BNC2: variants seen among roughly 807,000 people sequenced by gnomAD.
BNC2 encodes the protein basonuclin zinc finger protein 2.
A neutral mutation model predicts 76.3 loss-of-function variants in BNC2; 20 were observed. That is an observed-to-expected ratio of 0.26 (90% CI 0.18 to 0.38). The LOEUF (loss-of-function observed/expected upper bound fraction) is 0.38, where lower values mean the gene tolerates loss of function less well. Among genes scored for constraint, BNC2 ranks in the 10% least tolerant of loss-of-function variants. The probability of loss-of-function intolerance (pLI) is 1.00; values close to 1 mark genes in which losing one functional copy is unlikely to be tolerated. For missense variants in BNC2, 1,382 were observed against 1,399.8 expected (o/e 0.99, Z 0.20); for synonymous variants, 582 against 514.8 (o/e 1.13, Z -1.77).
intron 3 of BNC2, among the ~76,000 whole-genome samples, chr9:16,693,139 A>AAG (rs1359698732): frequency 6.6e-6 from 1 of 150,910 alleles, no homozygotes; most frequent in East Asian, 1.9e-4. Context: ...AAAAAAAAAA[A>AAG]AAAAAAAAAA....
chr9:16,736,102 C>T (rs1383632785), intron 2 of BNC2, among the ~76,000 whole-genome samples: 4 of 151,252 alleles, frequency 2.6e-5, no homozygotes, highest in South Asian at 4.2e-4. Flanking sequence ...GGCATGGTGG[C>T]GCATGCCTGT....
intron 1 of BNC2, among the ~76,000 whole-genome samples, chr9:16,780,257 C>CAAACAAAA (rs1416629804): frequency 5.3e-4 from 42 of 78,656 alleles, no homozygotes; most frequent in African/African-American, 2.0e-3. Context: ...AAAAAAAAAA[C>CAAACAAAA]AAAAAAAAAC....
At chr9:16,813,084 G>A (rs981613419) in intron 1 of BNC2, among the ~76,000 whole-genome samples, 1 of 151,846 alleles carries the variant, frequency 6.6e-6, no homozygotes, top group African/African-American at 2.4e-5. Context: ...TGACGCCCCA[G>A]CTACTTGGAA....
intron 3 of BNC2, among the ~76,000 whole-genome samples, chr9:16,601,934 T>A (rs1208392277): frequency 6.6e-6 from 1 of 152,288 alleles, no homozygotes; most frequent in South Asian, 2.1e-4. Flanking sequence ...CCCTCCAATA[T>A]AATAAGTGCT....
At chr9:16,470,082 C>T (rs1821790139) in intron 5 of BNC2, among the ~76,000 whole-genome samples, 1 of 148,426 alleles carries the variant, frequency 6.7e-6, no homozygotes, top group South Asian at 2.1e-4. Context: ...ACTGCAAGCT[C>T]TGCCTCCCGG....
At chr9:16,665,124 T>G (rs1822231377) in intron 3 of BNC2, 1 of 453,860 alleles carries the variant, frequency 2.2e-6, no homozygotes, top group Non-Finnish European at 4.4e-6. Flanking sequence ...ATCCCAGCAC[T>G]TTGGAAGTCC....
chr9:16,839,900 C>A (rs543838462), intron 1 of BNC2, among the ~76,000 whole-genome samples: 1 of 152,266 alleles, frequency 6.6e-6, no homozygotes, highest in South Asian at 2.1e-4. Context: ...ACCACCACCC[C>A]ATGACAGTCA....
At chr9:16,679,999 G>T (rs1410349697) in intron 3 of BNC2, among the ~76,000 whole-genome samples, 6 of 152,148 alleles carry the variant, frequency 3.9e-5, no homozygotes, top group Non-Finnish European at 8.8e-5. Flanking sequence ...TTTCGCATAG[G>T]GGGAGTGTTA....
intron 1 of BNC2, among the ~76,000 whole-genome samples, chr9:16,853,300 G>GTCAA (rs1819171821): frequency 1.3e-5 from 2 of 150,716 alleles, no homozygotes; most frequent in Admixed American, 1.3e-4. Context: ...GGCCCAGTTA[G>GTCAA]GAGGCTAAGG....
chr9:16,662,943 T>G lies in BNC2; in HGVS notation c.330+64854A>C, dbSNP rs541193907. On this transcript the variant is annotated intron_variant, in intron 3 of 6. Transcript: ENST00000380672. ...CTGCAGTAAGTGCCTTAAACAGTAG[T>G]AGCAATAGAAAAAGGAAAGCTTATG... Among the ~76,000 whole-genome samples the G allele has an allele frequency of 2.6e-5, 4 of 152,218 alleles. No individual in the cohort carries two copies. In the South Asian group the frequency reaches 8.3e-4, roughly 32 times the overall value.
At chr9:16,826,257 G>A (rs1331298388) in intron 1 of BNC2, among the ~76,000 whole-genome samples, 2 of 128,264 alleles carry the variant, frequency 1.6e-5, no homozygotes, top group African/African-American at 6.2e-5. Flanking sequence ...CCAGAGACTT[G>A]CTGTTTCTGT....
chr9:16,495,371 T>C (rs1308363170), intron 5 of BNC2, among the ~76,000 whole-genome samples: 2 of 152,216 alleles, frequency 1.3e-5, no homozygotes, highest in East Asian at 3.8e-4. Context: ...CTCTGAGGAT[T>C]TGGGGCTCAA....
Position 16,616,216 on chromosome 9 carries a change from G to GT in BNC2, c.331-33132dup, listed in dbSNP as rs1371617248. Reference sequence around the variant, plus strand: ...AGCCTGGGCAACAAAGTAAGACACTGTCTCTACATAATAAAAAATAAATAA... The same window carrying GT: ...AGCCTGGGCAACAAAGTAAGACACTGTTCTCTACATAATAAAAAATAAATAA... On this transcript the variant is annotated intron_variant, in intron 3 of 6. Coordinates refer to ENST00000380672, the MANE Select transcript of BNC2 (RefSeq NM_017637.6). 2.0e-5 allele frequency among the ~76,000 whole-genome samples: 3 copies of GT among 151,782 alleles called. No individual in the cohort carries two copies. The East Asian group carries it at 5.8e-4, about 29-fold the overall frequency.
chr9:16,827,925 T>G (rs1412866198), intron 1 of BNC2, among the ~76,000 whole-genome samples: 2 of 152,232 alleles, frequency 1.3e-5, no homozygotes, highest in African/African-American at 4.8e-5. Flanking sequence ...TATTGAGGCA[T>G]GTCTGTATTC....
At chr9:16,691,803 C>G (rs912014350) in intron 3 of BNC2, among the ~76,000 whole-genome samples, 7 of 128,846 alleles carry the variant, frequency 5.4e-5, no homozygotes, top group African/African-American at 1.1e-4. Context: ...GCCACTGTGC[C>G]CAGCCATTTT....
chr9:16,776,882 T>C (rs1825982026), intron 1 of BNC2, among the ~76,000 whole-genome samples: 2 of 152,010 alleles, frequency 1.3e-5, no homozygotes, highest in Non-Finnish European at 2.9e-5. Flanking sequence ...TCCCAGCACT[T>C]TGGGAGTCCA....
intron 6 of BNC2, chr9:16,431,467 G>T (rs886695064): frequency 6.4e-6 from 3 of 470,144 alleles, no homozygotes; most frequent in Non-Finnish European, 8.8e-6. Flanking sequence ...CAGGTTCCAG[G>T]CCGGTTAGAA....
chr9:16,664,052 C>A (rs557029994), intron 3 of BNC2, among the ~76,000 whole-genome samples: 6 of 152,286 alleles, frequency 3.9e-5, no homozygotes, highest in African/African-American at 1.4e-4. Context: ...TCCATTGATC[C>A]TCGATTCCAC....
chr9:16,614,752 G>C (rs1357846090), intron 3 of BNC2, among the ~76,000 whole-genome samples: 1 of 151,876 alleles, frequency 6.6e-6, no homozygotes, highest in Non-Finnish European at 1.5e-5. Flanking sequence ...TTCAAGACCA[G>C]CCTTGGCAAC....
Sources: gnomAD v4.1 joint callset for allele counts (sites outside exome capture counted in the v4.1 genomes callset) on GRCh38, gnomAD v4.1.1 for gene constraint, MANE v1.5 for transcripts, NCBI Gene and HGNC (gene_info 2026-07-23, HGNC 2026-07-21) for gene names.